Variants in PRKG1 observed in about 807,000 individuals in gnomAD.
The protein encoded by PRKG1 is protein kinase cGMP-dependent 1.
Under a neutral mutation model 88.1 loss-of-function variants are expected in PRKG1, and 35 were observed. The ratio of observed to expected loss-of-function variants is 0.40; its 90% CI spans 0.30 to 0.53. The LOEUF is 0.53. PRKG1 is among the 20% of genes least tolerant of loss of function. The pLI is 0.59. For missense variants in PRKG1, 540 were observed against 839.8 expected (o/e 0.64, Z 4.41); for synonymous variants, 303 against 292.5 (o/e 1.04, Z -0.37).
chr10:51,741,150 A>G (rs989873472), intron 3 of PRKG1, among the ~76,000 whole-genome samples: 14 of 152,016 alleles, frequency 9.2e-5, no homozygotes, highest in Non-Finnish European at 1.8e-4. Flanking sequence ...TTGGTGAAAA[A>G]AAAAAGACAT....
rs561146629 is a variant in PRKG1 at position 51,415,993 on chromosome 10, A to G, written c.479-51730A>G. Among the ~76,000 whole-genome samples the G allele has an allele frequency of 2.6e-5, 4 of 152,132 alleles. No homozygotes were observed. The South Asian group carries it at 8.3e-4, about 32-fold the overall frequency. ...CGCACACATATACACAGGCACCACA[A>G]AGATTTCGTTGTCCTCAGAATTTAT... is the stretch of plus-strand genomic sequence containing the variant. On this transcript the variant is annotated intron_variant, in intron 2 of 17. Coordinates refer to ENST00000373980, the MANE Select transcript of PRKG1 (RefSeq NM_006258.4).
At chr10:51,535,792 T>C (rs951876282) in intron 3 of PRKG1, among the ~76,000 whole-genome samples, 2 of 151,026 alleles carry the variant, frequency 1.3e-5, no homozygotes, top group Non-Finnish European at 2.9e-5. Flanking sequence ...TGGCACGATA[T>C]CAGCTCACTG....
chr10:51,056,348 A>T lies in PRKG1; in HGVS notation c.266+64704A>T, dbSNP rs1458581730. Among the ~76,000 whole-genome samples the T allele has an allele frequency of 2.5e-4, 37 of 148,298 alleles. No individual in the cohort carries two copies. The Admixed American group carries it at 2.5e-3, about 10-fold the overall frequency. ...TCTCAGTAAAAGAGTTAACTTTCTT[A>T]AAAAGTTGTACCTGGTTACACAGGA... On this transcript the variant is annotated intron_variant, in intron 1 of 17. Coordinates refer to the PRKG1 transcript ENST00000401604.
intron 2 of PRKG1, among the ~76,000 whole-genome samples, chr10:51,314,065 T>G (rs1841259271): frequency 6.6e-6 from 1 of 152,200 alleles, no homozygotes; most frequent in Non-Finnish European, 1.5e-5. Flanking sequence ...TGAGGCAGGC[T>G]GGTCCTCACC....
chr10:51,672,095 G>A (rs543842625), intron 3 of PRKG1, among the ~76,000 whole-genome samples: 2 of 151,794 alleles, frequency 1.3e-5, no homozygotes, highest in East Asian at 3.9e-4. Context: ...TTTACATGTG[G>A]ATTTCTTTAT....
chr10:52,072,158 CTTTTTTTTTTTTT>C (rs60576406), intron 7 of PRKG1, among the ~76,000 whole-genome samples: 5 of 39,556 alleles, frequency 1.3e-4, no homozygotes, highest in Non-Finnish European at 1.2e-4. Flanking sequence ...TATTGTTTTG[CTTTTTTTTTTTTT>C]TTTTTTTTTT....
chr10:51,720,070 G>GA (rs1373973743), intron 3 of PRKG1, among the ~76,000 whole-genome samples: 1 of 152,098 alleles, frequency 6.6e-6, no homozygotes, highest in Non-Finnish European at 1.5e-5. Flanking sequence ...GTATCACAGG[G>GA]AAAATAGGAG....
At chr10:51,111,177 T>C (rs548612471) in intron 1 of PRKG1, among the ~76,000 whole-genome samples, 41 of 152,148 alleles carry the variant, frequency 2.7e-4, no homozygotes, top group Non-Finnish European at 4.6e-4. Context: ...TTTTACTACT[T>C]TATGCAGTAG....
At chr10:52,156,768 G>T (rs1468239702) in intron 8 of PRKG1, among the ~76,000 whole-genome samples, 1 of 151,716 alleles carries the variant, frequency 6.6e-6, no homozygotes, top group Non-Finnish European at 1.5e-5. Context: ...AACAATGAAG[G>T]ATCCCTCTGA....
At chr10:51,342,566 CTGAGTCATCACATT>C (rs1425671996) in intron 2 of PRKG1, among the ~76,000 whole-genome samples, 3 of 152,074 alleles carry the variant, frequency 2.0e-5, no homozygotes, top group Non-Finnish European at 4.4e-5. Flanking sequence ...TATCAAAGTC[CTGAGTCATCACATT>C]TGATTTAATT....
chr10:51,646,678 A>G (rs969424431), intron 3 of PRKG1, among the ~76,000 whole-genome samples: 2 of 152,044 alleles, frequency 1.3e-5, no homozygotes, highest in Non-Finnish European at 2.9e-5. Flanking sequence ...GATATATTAT[A>G]CTTTCTCTTG....
chr10:51,357,542 T>C (rs983849714), intron 2 of PRKG1, among the ~76,000 whole-genome samples: 1 of 152,128 alleles, frequency 6.6e-6, no homozygotes, highest in Admixed American at 6.6e-5. Context: ...GCAACTCTTA[T>C]TGATTTTCAT....
At position 52,024,014 on chromosome 10, in the gene PRKG1, TA is replaced by T. The variant is rs1205946924; in HGVS notation, c.763-30469del. Among the ~76,000 whole-genome samples, 14 of 152,316 alleles carry T rather than the reference TA, an allele frequency of 9.2e-5. No individual in the cohort carries two copies. The East Asian group carries it at 2.5e-3, about 27-fold the overall frequency. On this transcript the variant is annotated intron_variant, in intron 5 of 17. Coordinates refer to ENST00000373980, the MANE Select transcript of PRKG1 (RefSeq NM_006258.4). ...TGCCTGTGTCCTGAATGGTATTGCC[TA>T]GGTTTTCTTCTAGGGTTTTTATGGT...
intron 12 of PRKG1, among the ~76,000 whole-genome samples, chr10:52,275,287 CTATCTTCTAGAATTT>C (rs1312237709): frequency 1.3e-5 from 2 of 152,064 alleles, no homozygotes; most frequent in African/African-American, 4.8e-5. Flanking sequence ...TTTTCCAATG[CTATCTTCTAGAATTT>C]TAGTAGTTTC....
chr10:51,238,020 C>T (rs1160426531), intron 2 of PRKG1, among the ~76,000 whole-genome samples: 1 of 152,086 alleles, frequency 6.6e-6, no homozygotes, highest in Non-Finnish European at 1.5e-5. Context: ...TGAAACTGTT[C>T]ATTGCTAATC....
rs114986771 is a variant in PRKG1, at chr10:51,531,957, A to G, written c.592+64121A>G. On this transcript the variant is annotated intron_variant, in intron 3 of 17. Transcript: ENST00000373980. ...CGTGCCCTGCCAAAGAATTTTTTTA[A>G]AAAAATGACAGTCAGGACACTCGAT... Among the ~76,000 whole-genome samples the G allele has an allele frequency of 4.7e-3, 714 of 152,184 alleles. 7 individuals carry two copies. The highest frequency in any genetic ancestry group is 0.016 in the African/African-American group (665 of 41,528).
chr10:52,173,243 G>A (rs1258263308), intron 9 of PRKG1, among the ~76,000 whole-genome samples: 1 of 152,136 alleles, frequency 6.6e-6, no homozygotes, highest in Non-Finnish European at 1.5e-5. Context: ...ATCAAATTGT[G>A]TAGTATTGCT....
chr10:51,590,579 G>T (rs1838286869), intron 3 of PRKG1, among the ~76,000 whole-genome samples: 1 of 152,062 alleles, frequency 6.6e-6, no homozygotes, highest in African/African-American at 2.4e-5. Flanking sequence ...AGATTTCCTT[G>T]CCAAAAACTA....
At chr10:51,802,554 A>G (rs955063293) in intron 3 of PRKG1, among the ~76,000 whole-genome samples, 6 of 152,130 alleles carry the variant, frequency 3.9e-5, no homozygotes, top group Admixed American at 1.3e-4. Flanking sequence ...TTGCAGGTGA[A>G]CTTCATGTAC....
Sources: gnomAD v4.1 joint callset for allele counts (sites outside exome capture counted in the v4.1 genomes callset) on GRCh38, gnomAD v4.1.1 for gene constraint, MANE v1.5 for transcripts, NCBI Gene and HGNC (gene_info 2026-07-23, HGNC 2026-07-21) for gene names.